Variants in RAX observed in about 807,000 individuals in gnomAD.
The protein encoded by RAX is retinal homeobox protein Rx.
A neutral mutation model predicts 17.4 loss-of-function variants in RAX; 11 were observed. That is an observed-to-expected ratio of 0.63 (90% CI 0.40 to 1.05). The LOEUF (loss-of-function observed/expected upper bound fraction) is 1.05. RAX is among the 50% of genes least tolerant of loss of function. RAX has a pLI of 0.00. For missense variants in RAX, 527 were observed against 501.1 expected (o/e 1.05, Z -0.49); for synonymous variants, 276 against 254.7 (o/e 1.08, Z -0.80).
chr18:59,272,170 G>A (rs1010178588), intron 2 of RAX, among the ~76,000 whole-genome samples, 191 bp downstream of exon 2: 5 of 152,228 alleles, frequency 3.3e-5, no homozygotes, highest in African/African-American at 1.2e-4. Context: ...ACTACAAACT[G>A]GAACAGACTG....
intron 1 of RAX, 132 bp from the exon 2 acceptor site, chr18:59,272,746 G>A: frequency 7.2e-7 from 1 of 1,386,532 alleles, no homozygotes; most frequent in South Asian, 1.5e-5. Flanking sequence ...TGGTGAGGGC[G>A]GCGATGGGTC....
chr18:59,267,929 C>T lies in RAX; in HGVS notation c.*1075G>A, dbSNP rs1206415219. On this transcript the variant is annotated 3_prime_UTR_variant, in exon 3 of 3. Transcript: ENST00000334889. ...TCTCCGAGCGCGGCACCTCACCAGA[C>T]GCGCCTTTTACCGAACTCTGGGTTG... is the stretch of plus-strand genomic sequence containing the variant. 1 of 152,262 alleles carries T rather than the reference C, an allele frequency of 6.6e-6. No homozygotes were observed. The highest frequency in any genetic ancestry group is 1.5e-5 in the Non-Finnish European group (1 of 68,088). The allele number at this position is 152,262 out of a possible 1,614,324, so 9.4% of individuals were successfully genotyped here. A position where few individuals can be genotyped will look rare whatever the true frequency, so the allele number is the denominator to read the frequency against.
rs552418179 is a variant in RAX at position 59,267,586 on chromosome 18, C to T, written c.*1418G>A. Reference sequence around the variant, plus strand: ...TTGATGCTAATTAAGGCTCTGGGGGCATCATCCTGAAAGCACGCTTAGGGA... The same window carrying T: ...TTGATGCTAATTAAGGCTCTGGGGGTATCATCCTGAAAGCACGCTTAGGGA... On this transcript the variant is annotated 3_prime_UTR_variant, in exon 3 of 3. Coordinates refer to ENST00000334889, the MANE Select transcript of RAX (RefSeq NM_013435.3). The T allele has an allele frequency of 1.3e-5, 2 of 149,128 alleles. No individual in the cohort carries two copies. The highest frequency in any genetic ancestry group is 4.3e-4 in the South Asian group (2 of 4,696). 9.2% of individuals were successfully genotyped at this position (149,128 alleles called of 1,614,324 possible). A position where few individuals can be genotyped will look rare whatever the true frequency, so the allele number is the denominator to read the frequency against.
Position 59,269,437 on chromosome 18 carries a change from T to C in RAX, c.608A>G (p.Lys203Arg). 1.3e-6 allele frequency: 2 copies of C among 1,590,192 alleles called. No individual in the cohort carries two copies. The highest frequency in any genetic ancestry group is 1.7e-6 in the Non-Finnish European group (2 of 1,176,650). ...GGAGAGGAGGGGCGAGTCCTGCAGC[T>C]TCATGGAGGACACTTCCAGCTTCTC... is the stretch of plus-strand genomic sequence containing the variant. ...RQEKLEVSSMKLQDSPLLSFS... is the reference protein window; with the variant it reads ...RQEKLEVSSMRLQDSPLLSFS... The change falls in exon 3 of 3, where the codon AAG becomes AGG. Residue 203 changes from lysine to arginine, a missense_variant. Lys to Arg is a conservative substitution (Grantham distance 26). Coordinates refer to ENST00000334889, the MANE Select transcript of RAX (RefSeq NM_013435.3).
chr18:59,269,738 C>CTCT lies in RAX; in HGVS notation c.544-238_544-237insAGA, dbSNP rs1489118236. On this transcript the variant is annotated intron_variant, in intron 2 of 2. Coordinates refer to ENST00000334889, the MANE Select transcript of RAX (RefSeq NM_013435.3). ...CCCCTTTCTCTCTCTCTCTCTCTCT[C>CTCT]TTTTTTTTTTTTTTTTGGCCTCTTC... Among the ~76,000 whole-genome samples the CTCT allele has an allele frequency of 6.7e-4, 43 of 64,090 alleles. 1 individual carries two copies. The highest frequency in any genetic ancestry group is 1.2e-3 in the Non-Finnish European group (35 of 30,082). 42.0% of individuals were successfully genotyped at this position (64,090 alleles called of 152,430 possible).
intron 2 of RAX, among the ~76,000 whole-genome samples, chr18:59,271,520 G>A (rs934758691): frequency 6.6e-6 from 1 of 152,188 alleles, no homozygotes; most frequent in Non-Finnish European, 1.5e-5. Flanking sequence ...GCAGCAGCTT[G>A]TCCTCTTTTA....
chr18:59,269,645 A>G (rs1022346155), intron 2 of RAX, 144 bp from the exon 3 acceptor site: 3 of 865,308 alleles, frequency 3.5e-6, no homozygotes, highest in African/African-American at 3.5e-5. Flanking sequence ...GTGCCGAGAG[A>G]GGCCCGGATC....
At chr18:59,271,203 G>A (rs1463790331) in intron 2 of RAX, among the ~76,000 whole-genome samples, 2 of 152,210 alleles carry the variant, frequency 1.3e-5, no homozygotes, top group Non-Finnish European at 2.9e-5. Flanking sequence ...CAAGTAATGA[G>A]GGAGGATGCA....
rs1487786504 is a variant in RAX at position 59,269,155 on chromosome 18, G to T, written c.890C>A (p.Ala297Glu). The part of the protein sequence containing the change: ...PPLGPGLQPL[A>E]PPPPSYPCGP... ...GCACGGGTAGGAGGGCGGCGGCGGC[G>T]CGAGAGGTTGCAGGCCGGGGCCCAA... Residue 297 changes from alanine (A) to glutamate (E), a missense_variant, in exon 3 of 3, where the codon GCG becomes GAG. Ala to Glu is a moderately radical substitution (Grantham distance 107). Coordinates refer to ENST00000334889, the MANE Select transcript of RAX (RefSeq NM_013435.3). The T allele has an allele frequency of 8.2e-6, 13 of 1,580,370 alleles. No individual in the cohort carries two copies. Among genetic ancestry groups the T allele is most frequent in the African/African-American group, 1.3e-5 (1 of 74,254 alleles).
chr18:59,269,718 TTCTCTCTC>T lies in RAX; in HGVS notation c.544-225_544-218del, dbSNP rs35880128. 0.021 allele frequency among the ~76,000 whole-genome samples: 2,788 copies of T among 134,594 alleles called. 116 individuals carry two copies. The highest frequency in any genetic ancestry group is 0.078 in the African/African-American group (2,652 of 33,982). The allele number at this position is 134,594 out of a possible 152,430, so 88.3% of individuals were successfully genotyped here. On this transcript the variant is annotated intron_variant, in intron 2 of 2. Coordinates refer to ENST00000334889, the MANE Select transcript of RAX (RefSeq NM_013435.3). ...CGTTCTCTTTTCTTTTCCATCCCCT[TTCTCTCTC>T]TCTCTCTCTCTCTTTTTTTTTTTTT... is the stretch of plus-strand genomic sequence containing the variant.
At chr18:59,272,788 C>G in intron 1 of RAX, 130 bp downstream of exon 1, 1 of 1,381,332 alleles carries the variant, frequency 7.2e-7, no homozygotes, top group Non-Finnish European at 9.6e-7. Context: ...ATTGGAAGCT[C>G]CCGCCATAGA....
chr18:59,268,421 T>A lies in RAX; in HGVS notation c.*583A>T, dbSNP rs1365849179. The A allele has an allele frequency of 6.5e-6, 1 of 152,888 alleles. No homozygotes were observed. Among genetic ancestry groups the A allele is most frequent in the East Asian group, 1.9e-4 (1 of 5,184 alleles). The allele number at this position is 152,888 out of a possible 1,614,324, so 9.5% of individuals were successfully genotyped here. A position where few individuals can be genotyped will look rare whatever the true frequency, so the allele number is the denominator to read the frequency against. On this transcript the variant is annotated 3_prime_UTR_variant, in exon 3 of 3. Coordinates refer to ENST00000334889, the MANE Select transcript of RAX (RefSeq NM_013435.3). This position sits in a 1 kb window ranked among gnomAD's most constrained non-coding sequence, Gnocchi z 4.4. ...AAGGAAACCCTGAGCTTCTTCTCAG[T>A]CCTCCTCTTTCCCTGACCCACCCTG... is the stretch of plus-strand genomic sequence containing the variant.
intron 2 of RAX, among the ~76,000 whole-genome samples, chr18:59,270,615 G>A (rs1375162235): frequency 6.6e-6 from 1 of 152,210 alleles, no homozygotes; most frequent in East Asian, 1.9e-4. Flanking sequence ...GAAATGGGGA[G>A]ATTGTTGCAA....
rs920455868 is a variant in RAX at position 59,267,493 on chromosome 18, T to A, written c.*1511A>T. The A allele has an allele frequency of 2.6e-5, 4 of 152,152 alleles. No homozygotes were observed. The highest frequency in any genetic ancestry group is 9.7e-5 in the African/African-American group (4 of 41,406). The allele number at this position is 152,152 out of a possible 1,614,324, so 9.4% of individuals were successfully genotyped here. A position where few individuals can be genotyped will look rare whatever the true frequency, so the allele number is the denominator to read the frequency against. On this transcript the variant is annotated 3_prime_UTR_variant, in exon 3 of 3. Coordinates refer to ENST00000334889, the MANE Select transcript of RAX (RefSeq NM_013435.3). Reference sequence around the variant, plus strand: ...TTTCCCACCTTCCAGAGAGACAGAGTTTATTTAGACGAGGAAAGGGGACTG... The same window carrying A: ...TTTCCCACCTTCCAGAGAGACAGAGATTATTTAGACGAGGAAAGGGGACTG...
Position 59,273,153 on chromosome 18 carries a change from G to GGCAA in RAX, c.50_53dup (p.Gly19CysfsTer48). The GGCAA allele has an allele frequency of 2.6e-6, 4 of 1,533,748 alleles. No homozygotes were observed. In the South Asian group the frequency reaches 4.8e-5, roughly 18 times the overall value. Reference sequence around the variant, plus strand: ...CGCCCGGGCTGCGGAGCAGGTGGCCGGCAAGCGAGAAGCTCCCGTCGGCCA... The same window carrying GGCAA: ...CGCCCGGGCTGCGGAGCAGGTGGCCGGCAAGCAAGCGAGAAGCTCCCGTCGGCCA... On this transcript the variant is annotated frameshift_variant, in exon 1 of 3. Transcript: ENST00000334889. LOFTEE classifies it high-confidence loss of function.
At position 59,272,522 on chromosome 18, in the gene RAX, C is replaced by G; in HGVS notation, c.382G>C (p.Glu128Gln). ...GPATGEAKLS[E>Q]EEQPKKKHRR... is the part of the protein sequence containing the mutation. ...TGCTTTTTCTTGGGCTGTTCCTCCT[C>G]TGACAGTTTCGCTTCGCCGGTGGCT... Residue 128 changes from glutamate (E) to glutamine (Q), a missense_variant, in exon 2 of 3, where the codon GAG becomes CAG. Physicochemically the swap from Glu to Gln is conservative, Grantham distance 29. Transcript: ENST00000334889. 2 of 1,614,264 alleles carry G rather than the reference C, an allele frequency of 1.2e-6. No individual in the cohort carries two copies. The highest frequency in any genetic ancestry group is 1.7e-6 in the Non-Finnish European group (2 of 1,180,054).
chr18:59,272,940 C>A lies in RAX; in HGVS notation c.267G>T (p.Pro89=). 1.4e-6 allele frequency: 2 copies of A among 1,457,946 alleles called. No homozygotes were observed. The highest frequency in any genetic ancestry group is 1.8e-6 in the Non-Finnish European group (2 of 1,121,814). 90.3% of individuals were successfully genotyped at this position (1,457,946 alleles called of 1,614,324 possible). A position where few individuals can be genotyped will look rare whatever the true frequency, so the allele number is the denominator to read the frequency against. ...CACCTTCGTACTCGGGGGCGGGCGC[C>A]GGGGCTGGCGGCGGGGAGGGCTCGG... ...EGSEPSPPPA[P]APAPEYEAPR... Residue 89 remains proline (P), a synonymous_variant, in exon 1 of 3, where the codon CCG becomes CCT. Transcript: ENST00000334889.
intron 1 of RAX, 91 bp from the exon 2 acceptor site, chr18:59,272,705 T>G: frequency 1.4e-6 from 2 of 1,465,662 alleles, no homozygotes; most frequent in Non-Finnish European, 1.8e-6. Flanking sequence ...CCAGCCCGCC[T>G]GCGGGCTCCG....
At position 59,272,614 on chromosome 18, in the gene RAX, G is replaced by A. The variant is rs767252104; in HGVS notation, c.290C>T (p.Ala97Val). Residue 97 changes from alanine (A) to valine (V), a missense_variant and splice_region_variant, in exon 2 of 3, where the codon GCC becomes GTC. Transcript: ENST00000334889. ...CTCCTTGGGGCAGTAGGGTCGAGGG[G>A]CTGGGGCGACGAGGCCCGGGAGGGT... ...PAPAPAPEYE[A>V]PRPYCPKEPG... is the part of the protein sequence containing the mutation. 15 of 1,609,138 alleles carry A rather than the reference G, an allele frequency of 9.3e-6. No individual in the cohort carries two copies. The African/African-American group carries it at 1.6e-4, about 17-fold the overall frequency.
Sources: allele counts gnomAD v4.1 joint callset (sites outside exome capture counted in the v4.1 genomes callset), GRCh38; gene constraint gnomAD v4.1.1; non-coding constraint Gnocchi (gnomAD v3.1); transcripts MANE v1.5; gene names NCBI Gene and HGNC (gene_info 2026-07-23, HGNC 2026-07-21).